CDH4: variants seen among roughly 807,000 people sequenced by gnomAD.
CDH4 encodes the protein cadherin 4.
CDH4 carries 33 observed loss-of-function variants against 86.0 expected under a neutral mutation model. The observed-to-expected ratio is 0.38, with a 90% CI of 0.29 to 0.51. CDH4 has a LOEUF of 0.51. CDH4 is among the 20% of genes least tolerant of loss of function. CDH4 has a pLI of 0.86. For synonymous variants in CDH4, 555 were observed against 549.4 expected (o/e 1.01, Z -0.14); for missense variants, 1,114 against 1,307.4 (o/e 0.85, Z 2.28).
At chr20:61,661,469 A>C (rs1164481256) in intron 2 of CDH4, among the ~76,000 whole-genome samples, 1 of 87,746 alleles carries the variant, frequency 1.1e-5, no homozygotes. Flanking sequence ...TTGCTTTCTG[A>C]CTTTTTTTTT....
At chr20:61,343,233 A>G (rs565220165) in intron 2 of CDH4, among the ~76,000 whole-genome samples, 6 of 152,238 alleles carry the variant, frequency 3.9e-5, no homozygotes, top group Non-Finnish European at 8.8e-5. Flanking sequence ...TAGCATGCGT[A>G]ATGTGGATAA....
At chr20:61,601,599 C>A (rs1472022181) in intron 2 of CDH4, among the ~76,000 whole-genome samples, 1 of 152,206 alleles carries the variant, frequency 6.6e-6, no homozygotes, top group African/African-American at 2.4e-5. Context: ...CTCTGCCCTC[C>A]TGTGTGTGTG....
chr20:61,921,066 TGTC>T (rs1401208925), intron 9 of CDH4, among the ~76,000 whole-genome samples: 74 of 150,712 alleles, frequency 4.9e-4, no homozygotes, highest in South Asian at 3.0e-3. Context: ...GGAAGCGTGG[TGTC>T]GTGATTGCAT....
intron 2 of CDH4, among the ~76,000 whole-genome samples, chr20:61,650,984 G>A (rs148481122): frequency 5.4e-4 from 82 of 152,378 alleles, no homozygotes; most frequent in African/African-American, 1.7e-3. Flanking sequence ...AACCCATGGC[G>A]TGCAGCACAG....
intron 3 of CDH4, among the ~76,000 whole-genome samples, chr20:61,771,723 T>C (rs2088778482): frequency 6.6e-6 from 1 of 152,202 alleles, no homozygotes; most frequent in South Asian, 2.1e-4. Flanking sequence ...CATTTCTTCA[T>C]GTCAGTCTTA....
chr20:61,396,769 G>A (rs1179980170), intron 2 of CDH4, among the ~76,000 whole-genome samples: 1 of 152,224 alleles, frequency 6.6e-6, no homozygotes, highest in African/African-American at 2.4e-5. Flanking sequence ...CATAGGCACA[G>A]TGACCCATCA....
chr20:61,540,005 A>C (rs1035944056), intron 2 of CDH4, among the ~76,000 whole-genome samples: 5 of 152,216 alleles, frequency 3.3e-5, no homozygotes, highest in Non-Finnish European at 5.9e-5. Flanking sequence ...CGCAGCGTTC[A>C]GAGCAGCCTC....
chr20:61,310,751 G>C (rs1222949018), intron 2 of CDH4, among the ~76,000 whole-genome samples: 1 of 152,134 alleles, frequency 6.6e-6, no homozygotes, highest in Non-Finnish European at 1.5e-5. Flanking sequence ...GGTTTTCCTG[G>C]GGCCTGGCTC....
intron 2 of CDH4, among the ~76,000 whole-genome samples, chr20:61,608,454 C>T (rs1342181867): frequency 1.3e-5 from 2 of 152,204 alleles, no homozygotes; most frequent in African/African-American, 4.8e-5. Context: ...CAGCACCTGG[C>T]CCTGCAGCCT....
intron 2 of CDH4, chr20:61,434,883 TA>T (rs1044078245): frequency 1.3e-5 from 2 of 151,438 alleles, no homozygotes; most frequent in Non-Finnish European, 2.9e-5. Flanking sequence ...CCCCTGCAAT[TA>T]AAAAAAACAA....
chr20:61,704,173 T>G (rs1024435627), intron 2 of CDH4, among the ~76,000 whole-genome samples: 1 of 152,052 alleles, frequency 6.6e-6, no homozygotes, highest in Non-Finnish European at 1.5e-5. Context: ...GTTGCAGTGT[T>G]TGAGAAGTGC....
At chr20:61,494,139 T>C (rs2085643245) in intron 2 of CDH4, among the ~76,000 whole-genome samples, 1 of 152,110 alleles carries the variant, frequency 6.6e-6, no homozygotes, top group African/African-American at 2.4e-5. Context: ...CCGGGCTGGG[T>C]GTGAGCCCCT....
chr20:61,551,789 AC>A (rs1213132317), intron 2 of CDH4, among the ~76,000 whole-genome samples: 3 of 152,212 alleles, frequency 2.0e-5, no homozygotes, highest in African/African-American at 7.2e-5. Context: ...AGACATATAG[AC>A]CAATAGAAGT....
chr20:61,874,597 G>A (rs138817574), intron 7 of CDH4, among the ~76,000 whole-genome samples: 228 of 152,300 alleles, frequency 1.5e-3, no homozygotes, highest in African/African-American at 5.4e-3. Context: ...GTCAAGTGCA[G>A]GCGCATCTCC....
At chr20:61,804,406 C>T (rs1054939448) in intron 4 of CDH4, among the ~76,000 whole-genome samples, 1 of 152,206 alleles carries the variant, frequency 6.6e-6, no homozygotes, top group African/African-American at 2.4e-5. Context: ...CCCTCTCCGC[C>T]GTCCAGCCTC....
chr20:61,328,021 T>A (rs2084545817), intron 2 of CDH4, among the ~76,000 whole-genome samples: 1 of 152,208 alleles, frequency 6.6e-6, no homozygotes, highest in Non-Finnish European at 1.5e-5. Context: ...TGATGATATT[T>A]GTGCTTATAT....
chr20:61,796,345 C>T (rs1306161509), intron 4 of CDH4, among the ~76,000 whole-genome samples: 2 of 152,178 alleles, frequency 1.3e-5, no homozygotes, highest in East Asian at 1.9e-4. Flanking sequence ...CCCTCCACCC[C>T]ACACTCTATT....
intron 2 of CDH4, among the ~76,000 whole-genome samples, chr20:61,395,810 T>C (rs2085013537): frequency 2.6e-5 from 4 of 152,246 alleles, no homozygotes; most frequent in South Asian, 2.1e-4. Flanking sequence ...TCTAAACACT[T>C]AGGTTTTAAA....
intron 9 of CDH4, among the ~76,000 whole-genome samples, chr20:61,915,224 G>A (rs771513331): frequency 1.9e-4 from 29 of 152,204 alleles, no homozygotes; most frequent in Non-Finnish European, 3.7e-4. Flanking sequence ...CAGGTTCCTC[G>A]CTGGCCCTGC....
Sources: gnomAD v4.1 joint callset for allele counts (sites outside exome capture counted in the v4.1 genomes callset) on GRCh38, gnomAD v4.1.1 for gene constraint, MANE v1.5 for transcripts, NCBI Gene and HGNC (gene_info 2026-07-23, HGNC 2026-07-21) for gene names.